DNAH14: variants seen among roughly 807,000 people sequenced by gnomAD.
DNAH14 encodes the protein axonemal beta dynein heavy chain 14.
In DNAH14, 478 loss-of-function variants were observed where a neutral mutation model predicts 520.9. The ratio of observed to expected loss-of-function variants is 0.92; its 90% CI spans 0.85 to 0.99. The LOEUF is 0.99. Among genes scored for constraint, DNAH14 ranks in the 50% least tolerant of loss-of-function variants. DNAH14 has a pLI of 0.00. For synonymous variants in DNAH14, 1,581 were observed against 1,757.2 expected (o/e 0.90, Z 2.51); for missense variants, 4,831 against 5,234.5 (o/e 0.92, Z 2.38).
At chr1:225,286,649 C>T (rs2093752510) in intron 54 of DNAH14, among the ~76,000 whole-genome samples, 1 of 152,156 alleles carries the variant, frequency 6.6e-6, no homozygotes, top group Non-Finnish European at 1.5e-5. Context: ...AGCACAGCCA[C>T]TTTGGAAGAC....
chr1:224,939,021 G>A, intron 1 of DNAH14, among the ~76,000 whole-genome samples: 1 of 152,134 alleles, frequency 6.6e-6, no homozygotes, highest in East Asian at 1.9e-4. Flanking sequence ...GTTACCAGAG[G>A]CCGGTAAGGG....
At chr1:225,024,288 A>G (rs1005958876) in intron 11 of DNAH14, 3 of 982,738 alleles carry the variant, frequency 3.1e-6, no homozygotes, top group Non-Finnish European at 3.6e-6. Flanking sequence ...TACAAAGTCC[A>G]ATTGGAATTT....
chr1:224,976,132 A>T (rs1316745987), intron 8 of DNAH14, among the ~76,000 whole-genome samples: 1 of 151,642 alleles, frequency 6.6e-6, no homozygotes, highest in Non-Finnish European at 1.5e-5. Flanking sequence ...TGCTGAGGAG[A>T]GCTTTACTTC....
intron 27 of DNAH14, among the ~76,000 whole-genome samples, 182 bp downstream of exon 27, chr1:225,123,796 A>G (rs1012126698): frequency 6.6e-6 from 1 of 151,858 alleles, no homozygotes; most frequent in African/African-American, 2.4e-5. Context: ...TCTGTCACCC[A>G]GGCTGGAGTG....
intron 8 of DNAH14, among the ~76,000 whole-genome samples, chr1:224,988,736 C>T (rs1198835157): frequency 1.3e-5 from 2 of 152,222 alleles, no homozygotes; most frequent in Admixed American, 1.3e-4. Context: ...GCCTCAAGCT[C>T]CTGTATGCAA....
At chr1:225,110,015 G>T (rs916745385) in intron 23 of DNAH14, among the ~76,000 whole-genome samples, 14 of 152,096 alleles carry the variant, frequency 9.2e-5, no homozygotes, top group Non-Finnish European at 1.9e-4. Flanking sequence ...AACCATCATT[G>T]CATCACTGGG....
intron 27 of DNAH14, among the ~76,000 whole-genome samples, chr1:225,139,455 T>C: frequency 6.6e-6 from 1 of 152,226 alleles, no homozygotes; most frequent in South Asian, 2.1e-4. Context: ...TTTCCATTGA[T>C]GCAGTTTACA....
chr1:225,183,075 A>G (rs7516591), intron 36 of DNAH14, among the ~76,000 whole-genome samples: 7,403 of 152,252 alleles, frequency 0.049, 282 homozygotes, highest in Non-Finnish European at 0.072. Context: ...TCCACTTAGG[A>G]GAGGAAAGTA....
rs766928083 is a variant in DNAH14, at chr1:225,389,806, T to G, written c.13263T>G (p.Asp4421Glu). ...STSQKCKHPE[D>E]SENNFFEGFP... The stretch of plus-strand genomic sequence containing the variant: ...GCCAAAAATGCAAACACCCTGAGGA[T>G]TCAGAGAACAATTTCTTTGAAGGGT... The change falls in exon 83 of 86, where the codon GAT (aspartate) becomes GAG (glutamate). Residue 4421 changes from aspartate (D) to glutamate (E), a missense_variant. Transcript: ENST00000682510. 1 of 1,552,018 alleles carries G rather than the reference T, an allele frequency of 6.4e-7. No homozygotes were observed. The highest frequency in any genetic ancestry group is 1.2e-5 in the South Asian group (1 of 84,064).
At position 224,945,261 on chromosome 1, in the gene DNAH14, A is replaced by G. The variant is rs2125434946; in HGVS notation, c.-33-7409A>G. ...ATTCATTTGATCTTCCATCACGGAT[A>G]CTCTTCCTTCCAGTTGATCGAATCG... On this transcript the variant is annotated intron_variant, in intron 1 of 85. Transcript: ENST00000682510. 2.0e-5 allele frequency among the ~76,000 whole-genome samples: 3 copies of G among 151,886 alleles called. No individual in the cohort carries two copies. The Middle Eastern group carries it at 0.01, about 517-fold the overall frequency.
chr1:225,048,246 A>T (rs967969060), intron 15 of DNAH14, among the ~76,000 whole-genome samples: 9 of 152,230 alleles, frequency 5.9e-5, no homozygotes, highest in East Asian at 5.8e-4. Context: ...CATGCCTGTA[A>T]TCCCAGCACT....
intron 76 of DNAH14, among the ~76,000 whole-genome samples, chr1:225,366,683 C>G (rs1329282431): frequency 6.6e-6 from 1 of 152,184 alleles, no homozygotes; most frequent in African/African-American, 2.4e-5. Context: ...TGCTCACATT[C>G]TAAGGGTGAC....
intron 37 of DNAH14, among the ~76,000 whole-genome samples, chr1:225,188,132 T>C (rs1405039603): frequency 6.6e-6 from 1 of 151,964 alleles, no homozygotes; most frequent in Non-Finnish European, 1.5e-5. Flanking sequence ...GATTGCTATA[T>C]AGTTTTATAT....
chr1:225,005,459 T>C (rs2064094477), intron 9 of DNAH14, among the ~76,000 whole-genome samples: 1 of 152,126 alleles, frequency 6.6e-6, no homozygotes, highest in Non-Finnish European at 1.5e-5. Flanking sequence ...GATACTTGAG[T>C]GATAGAGATC....
intron 24 of DNAH14, 39 bp from the exon 25 acceptor site, chr1:225,117,842 A>G: frequency 3.3e-6 from 5 of 1,517,882 alleles, no homozygotes; most frequent in Non-Finnish European, 4.5e-6. Flanking sequence ...TTCAGATCAC[A>G]ATTCAATAAT....
rs890757115 is a variant in DNAH14, at chr1:225,051,387, GC to G, written c.2080-62del. Reference sequence around the variant, plus strand: ...TTATTTTGTCAGAAACTATTAGCATGCCAAACCATTTTTCACTCTTAAAATA... The same window carrying G: ...TTATTTTGTCAGAAACTATTAGCATGCAAACCATTTTTCACTCTTAAAATA... On this transcript the variant is annotated intron_variant, in intron 16 of 85. Transcript: ENST00000682510. 14 of 1,206,070 alleles carry G rather than the reference GC, an allele frequency of 1.2e-5. No homozygotes were observed. In the African/African-American group the frequency reaches 2.2e-4, roughly 19 times the overall value. 74.7% of individuals were successfully genotyped at this position (1,206,070 alleles called of 1,614,324 possible).
chr1:225,366,221 A>G (rs2095551139), intron 76 of DNAH14, among the ~76,000 whole-genome samples: 1 of 152,232 alleles, frequency 6.6e-6, no homozygotes, highest in African/African-American at 2.4e-5. Context: ...TAATGCTGAC[A>G]AGGTAATATC....
chr1:225,379,535 A>AT lies in DNAH14; in HGVS notation c.12717-614dup, dbSNP rs540579760. Among the ~76,000 whole-genome samples, 100 of 149,344 alleles carry AT rather than the reference A, an allele frequency of 6.7e-4. 1 individual carries two copies. In the South Asian group the frequency reaches 9.0e-3, roughly 13 times the overall value. On this transcript the variant is annotated intron_variant, in intron 79 of 85. Coordinates refer to ENST00000682510, the MANE Select transcript of DNAH14 (RefSeq NM_001367479.1). ...TTTTCCTTTCCTTTTCTTTTTTTAA[A>AT]TTTTTTTTTTGAGATAGAGTCTCGC...
chr1:225,152,610 T>TA (rs758043498), intron 32 of DNAH14, 87 bp from the exon 33 acceptor site: 1 of 1,228,856 alleles, frequency 8.1e-7, no homozygotes. Context: ...AACACCAATA[T>TA]AATTATTTTG....
Sources: gnomAD v4.1 joint callset for allele counts (sites outside exome capture counted in the v4.1 genomes callset) on GRCh38, gnomAD v4.1.1 for gene constraint, MANE v1.5 for transcripts, NCBI Gene and HGNC (gene_info 2026-07-23, HGNC 2026-07-21) for gene names.